THSD7B: variants seen among roughly 807,000 people sequenced by gnomAD.
The protein encoded by THSD7B is thrombospondin type 1 domain containing 7B.
Under a neutral mutation model 213.6 loss-of-function variants are expected in THSD7B, and 138 were observed. The ratio of observed to expected loss-of-function variants is 0.65; its 90% CI spans 0.56 to 0.74. The LOEUF (loss-of-function observed/expected upper bound fraction) is 0.74, where lower values mean the gene tolerates loss of function less well. Among genes scored for constraint, THSD7B ranks in the 30% least tolerant of loss-of-function variants. THSD7B has a pLI of 0.00. For missense variants in THSD7B, 1,931 were observed against 1,991.5 expected (o/e 0.97, Z 0.58); for synonymous variants, 742 against 687.0 (o/e 1.08, Z -1.25).
chr2:137,041,561 CAT>C (rs1303830853), intron 2 of THSD7B, among the ~76,000 whole-genome samples: 3 of 150,104 alleles, frequency 2.0e-5, no homozygotes, highest in Non-Finnish European at 4.4e-5. Flanking sequence ...ATACATAACA[CAT>C]ATATACTAAC....
intron 1 of THSD7B, among the ~76,000 whole-genome samples, chr2:136,820,868 T>A (rs1220758802): frequency 6.6e-6 from 1 of 151,862 alleles, no homozygotes; most frequent in Admixed American, 6.6e-5. Flanking sequence ...TGTATCTACT[T>A]GAGAGAGGGA....
chr2:137,606,733 G>T (rs189647522), intron 17 of THSD7B, among the ~76,000 whole-genome samples: 2 of 152,072 alleles, frequency 1.3e-5, no homozygotes, highest in Non-Finnish European at 2.9e-5. Context: ...TTTAAATTTG[G>T]TTCTTGAATG....
At chr2:137,364,532 C>G (rs1685358470) in intron 12 of THSD7B, among the ~76,000 whole-genome samples, 1 of 152,154 alleles carries the variant, frequency 6.6e-6, no homozygotes, top group Admixed American at 6.6e-5. Flanking sequence ...AGCTGATAAG[C>G]AAGTTCAGCA....
intron 1 of THSD7B, among the ~76,000 whole-genome samples, chr2:136,770,940 TATAAA>T (rs748076775): frequency 3.9e-5 from 6 of 152,014 alleles, no homozygotes; most frequent in Non-Finnish European, 8.8e-5. Flanking sequence ...TCTTAGAAAA[TATAAA>T]ATAAGGATAT....
intron 15 of THSD7B, among the ~76,000 whole-genome samples, chr2:137,540,068 AT>A (rs959270459): frequency 1.3e-5 from 2 of 151,750 alleles, no homozygotes; most frequent in African/African-American, 4.8e-5. Flanking sequence ...AGTGTGAGAT[AT>A]AGAAAAGGGG....
intron 7 of THSD7B, among the ~76,000 whole-genome samples, chr2:137,178,902 A>G (rs185163576): frequency 2.0e-5 from 3 of 152,016 alleles, no homozygotes; most frequent in Admixed American, 6.6e-5. Flanking sequence ...TCCCATCACT[A>G]CTCCACCAGT....
chr2:137,669,965 A>C (rs376054189), intron 27 of THSD7B, among the ~76,000 whole-genome samples: 55 of 152,096 alleles, frequency 3.6e-4, no homozygotes, highest in African/African-American at 1.2e-3. Context: ...TTCTGTTAAC[A>C]AACCACTTTC....
intron 26 of THSD7B, among the ~76,000 whole-genome samples, chr2:137,665,557 G>A (rs1436346036): frequency 3.3e-5 from 5 of 151,926 alleles, no homozygotes; most frequent in African/African-American, 4.8e-5. Flanking sequence ...GTATAAATTA[G>A]AGCACCCTGT....
intron 12 of THSD7B, among the ~76,000 whole-genome samples, chr2:137,295,679 T>G (rs1220142982): frequency 6.6e-6 from 1 of 152,086 alleles, no homozygotes; most frequent in African/African-American, 2.4e-5. Context: ...TTTCACTATG[T>G]TGGCCAAGAT....
At position 136,882,330 on chromosome 2, in the gene THSD7B, T is replaced by C; in HGVS notation, c.139+13T>C. 1 of 1,514,458 alleles carries C rather than the reference T, an allele frequency of 6.6e-7. No homozygotes were observed. Among genetic ancestry groups the C allele is most frequent in the Non-Finnish European group, 8.8e-7 (1 of 1,132,098 alleles). 93.8% of individuals were successfully genotyped at this position (1,514,458 alleles called of 1,614,324 possible). On this transcript the variant is annotated intron_variant, in intron 2 of 27. Transcript: ENST00000409968. ...ATCTGGAAACCAGGTAGGAATGTCC[T>C]GGCTGTTCCTTTGTCCTATTTTCAT...
intron 15 of THSD7B, chr2:137,538,408 A>G (rs182849914): frequency 1.5e-5 from 7 of 477,714 alleles, no homozygotes; most frequent in Middle Eastern, 3.5e-4. Context: ...ATTTTGCATT[A>G]TAATAGCAGT....
chr2:137,045,268 T>C (rs1686949718), intron 2 of THSD7B, among the ~76,000 whole-genome samples: 1 of 152,152 alleles, frequency 6.6e-6, no homozygotes, highest in African/African-American at 2.4e-5. Context: ...TGTATCTGAA[T>C]TGCCAGCATC....
At chr2:137,237,222 G>A (rs1171930584) in intron 9 of THSD7B, among the ~76,000 whole-genome samples, 2 of 151,714 alleles carry the variant, frequency 1.3e-5, no homozygotes, top group Admixed American at 6.6e-5. Context: ...AATGGAATTC[G>A]TTCCCTTTTA....
intron 15 of THSD7B, among the ~76,000 whole-genome samples, chr2:137,537,929 A>G (rs774274283): frequency 2.6e-5 from 4 of 151,714 alleles, no homozygotes; most frequent in Non-Finnish European, 5.9e-5. Flanking sequence ...TAATTAAACT[A>G]TCACTCACAT....
At chr2:137,172,537 C>A (rs1680273479) in intron 7 of THSD7B, among the ~76,000 whole-genome samples, 1 of 152,144 alleles carries the variant, frequency 6.6e-6, no homozygotes, top group African/African-American at 2.4e-5. Flanking sequence ...GCACTCTGTC[C>A]CCCATACCTT....
chr2:136,780,102 T>C (rs1292725216), intron 1 of THSD7B, among the ~76,000 whole-genome samples: 3 of 152,148 alleles, frequency 2.0e-5, no homozygotes, highest in African/African-American at 7.2e-5. Context: ...TGTGCTGCTA[T>C]AACAATAATT....
intron 14 of THSD7B, among the ~76,000 whole-genome samples, chr2:137,425,880 AAGAAAG>A (rs1464032812): frequency 2.0e-5 from 3 of 152,152 alleles, no homozygotes; most frequent in African/African-American, 7.2e-5. Flanking sequence ...CAAAAACAGA[AAGAAAG>A]AGAAAGACTG....
At chr2:137,554,954 C>T (rs1680925495) in intron 15 of THSD7B, among the ~76,000 whole-genome samples, 1 of 152,224 alleles carries the variant, frequency 6.6e-6, no homozygotes, top group East Asian at 1.9e-4. Flanking sequence ...ACTGCTAGCA[C>T]AGCAGTCTGA....
intron 12 of THSD7B, among the ~76,000 whole-genome samples, chr2:137,349,317 T>A (rs1684958505): frequency 6.6e-6 from 1 of 151,790 alleles, no homozygotes; most frequent in Non-Finnish European, 1.5e-5. Flanking sequence ...TGGAATAAAA[T>A]GATCATGAAA....
Sources: gnomAD v4.1 joint callset for allele counts (sites outside exome capture counted in the v4.1 genomes callset) on GRCh38, gnomAD v4.1.1 for gene constraint, MANE v1.5 for transcripts, NCBI Gene and HGNC (gene_info 2026-07-23, HGNC 2026-07-21) for gene names.